The following DPF1 variants were observed in gnomAD, a reference collection of about 807,000 sequenced individuals.
DPF1 encodes zinc finger protein neuro-d4.
A neutral mutation model predicts 58.7 loss-of-function variants in DPF1; 14 were observed. That is an observed-to-expected ratio of 0.24 (90% CI 0.16 to 0.37). The LOEUF (loss-of-function observed/expected upper bound fraction) is 0.37, where lower values mean the gene tolerates loss of function less well. Among genes scored for constraint, DPF1 ranks in the 10% least tolerant of loss-of-function variants. The pLI is 1.00. For missense variants in DPF1, 345 were observed against 529.9 expected (o/e 0.65, Z 3.43); for synonymous variants, 216 against 216.0 (o/e 1.00, Z 0.00).
In DPF1 at chr19:38,211,307, C is replaced by CTTCTCACAGAAAA. The variant is rs1363699404; in HGVS notation, c.*755_*756insTTTTCTGTGAGAA. The CTTCTCACAGAAAA allele has an allele frequency of 6.6e-6, 1 of 152,180 alleles. No individual in the cohort carries two copies. The highest frequency in any genetic ancestry group is 1.5e-5 in the Non-Finnish European group (1 of 68,024). 9.4% of individuals were successfully genotyped at this position (152,180 alleles called of 1,614,324 possible). ...GGAGGGAGAGAAAAGGAGTCCGTGG[C>CTTCTCACAGAAAA]GGAGTCTGTGCTTCTCATTCCAGCA... On this transcript the variant is annotated 3_prime_UTR_variant, in exon 12 of 12. Transcript: ENST00000355526. The surrounding 1 kb of genome is among the most constrained non-coding windows in gnomAD (Gnocchi z 4.0).
chr19:38,216,052 C>T, intron 9 of DPF1, 88 bp downstream of exon 9: 1 of 1,518,452 alleles, frequency 6.6e-7, no homozygotes, highest in Non-Finnish European at 8.8e-7. Flanking sequence ...CCCCTCGGTC[C>T]TCACCGCCTT....
intron 3 of DPF1, 152 bp from the exon 4 acceptor site, chr19:38,219,210 CTG>C: frequency 8.9e-7 from 1 of 1,127,332 alleles, no homozygotes; most frequent in Non-Finnish European, 1.2e-6. Flanking sequence ...GGCCCAGACT[CTG>C]GGGAGACCCA....
In DPF1 at chr19:38,222,931, T is replaced by C; in HGVS notation, c.30-223A>G. 1 of 545,450 alleles carries C rather than the reference T, an allele frequency of 1.8e-6. No homozygotes were observed. 33.8% of individuals were successfully genotyped at this position (545,450 alleles called of 1,614,324 possible). A position where few individuals can be genotyped will look rare whatever the true frequency, so the allele number is the denominator to read the frequency against. ...CTCAAACAGGCCCCCAGCTCATGAG[T>C]AGAAACACGATACAGAAACAAACAA... On this transcript the variant is annotated intron_variant, in intron 1 of 11. Coordinates refer to ENST00000355526, the MANE Select transcript of DPF1 (RefSeq NM_001135155.3). The surrounding 1 kb of genome is among the most constrained non-coding windows in gnomAD (Gnocchi z 4.9).
intron 1 of DPF1, 138 bp downstream of exon 1, chr19:38,223,976 T>C: frequency 1.7e-6 from 2 of 1,190,440 alleles, no homozygotes; most frequent in African/African-American, 1.6e-5. Flanking sequence ...AGTCACACAC[T>C]CTCGCACCCC....
At chr19:38,218,490 G>T in intron 5 of DPF1, 83 bp downstream of exon 5, 1 of 1,427,012 alleles carries the variant, frequency 7.0e-7, no homozygotes, top group Non-Finnish European at 9.9e-7. Flanking sequence ...TCAGACTGTG[G>T]CAGGGGCGGA....
chr19:38,216,328 T>C (rs777290193), intron 8 of DPF1, 25 bp downstream of exon 8: 3 of 1,605,784 alleles, frequency 1.9e-6, no homozygotes, highest in African/African-American at 1.3e-5. Flanking sequence ...CTGCAGACTT[T>C]AGGAGCAGAA....
intron 7 of DPF1, among the ~76,000 whole-genome samples, chr19:38,216,993 A>T (rs533164085): frequency 1.9e-4 from 29 of 152,330 alleles, no homozygotes; most frequent in African/African-American, 7.0e-4. Context: ...GAAGACACTC[A>T]GCCTCTGCCT....
Position 38,211,104 on chromosome 19 carries a change from C to T in DPF1, c.*959G>A, listed in dbSNP as rs1260390963. ...AGACTCGGTGACAAGTGAGGGGGCACTCCTGGATTAGGGGACATCCCCCCA... is the reference window on the plus strand; with the variant it reads ...AGACTCGGTGACAAGTGAGGGGGCATTCCTGGATTAGGGGACATCCCCCCA... On this transcript the variant is annotated 3_prime_UTR_variant, in exon 12 of 12. Transcript: ENST00000355526. The surrounding 1 kb of genome is among the most constrained non-coding windows in gnomAD (Gnocchi z 4.0). The T allele has an allele frequency of 6.5e-6, 1 of 152,724 alleles. No individual in the cohort carries two copies. Among genetic ancestry groups the T allele is most frequent in the Non-Finnish European group, 1.5e-5 (1 of 68,444 alleles). The allele number at this position is 152,724 out of a possible 1,614,324, so 9.5% of individuals were successfully genotyped here. A position where few individuals can be genotyped will look rare whatever the true frequency, so the allele number is the denominator to read the frequency against.
At chr19:38,220,969 G>A (rs1431532827) in intron 3 of DPF1, among the ~76,000 whole-genome samples, 4 of 152,104 alleles carry the variant, frequency 2.6e-5, no homozygotes, top group Admixed American at 6.5e-5. Flanking sequence ...CACCTGATAC[G>A]CCAGACACCA....
upstream of DPF1, among the ~76,000 whole-genome samples, chr19:38,225,319 T>A (rs1314115992): frequency 1.3e-5 from 2 of 151,934 alleles, no homozygotes. Context: ...GCAATCCCAG[T>A]ACTTCGGGAG....
intron 7 of DPF1, 36 bp downstream of exon 7, chr19:38,217,424 G>T: frequency 7.4e-7 from 1 of 1,344,922 alleles, no homozygotes; most frequent in Non-Finnish European, 9.9e-7. Context: ...CCACTCCCAG[G>T]GCCCCTGGCC....
Position 38,229,480 on chromosome 19 carries a change from C to T in DPF1, c.-132+79G>A, listed in dbSNP as rs1459994084. The T allele has an allele frequency of 1.7e-5, 15 of 892,092 alleles. No individual in the cohort carries two copies. Among genetic ancestry groups the T allele is most frequent in the Non-Finnish European group, 2.1e-5 (15 of 704,166 alleles). The allele number at this position is 892,092 out of a possible 1,614,324, so 55.3% of individuals were successfully genotyped here. A position where few individuals can be genotyped will look rare whatever the true frequency, so the allele number is the denominator to read the frequency against. ...TACGGTCCGCGCGCTGCGTCCCCCTCCTCAGCCCCAGGGCGGGCGGGGGAA... is the reference window on the plus strand; with the variant it reads ...TACGGTCCGCGCGCTGCGTCCCCCTTCTCAGCCCCAGGGCGGGCGGGGGAA... On this transcript the variant is annotated intron_variant, in intron 1 of 11. Coordinates refer to the DPF1 transcript ENST00000412732. The surrounding 1 kb of genome is among the most constrained non-coding windows in gnomAD (Gnocchi z 5.3).
intron 10 of DPF1, 54 bp from the exon 11 acceptor site, chr19:38,212,415 G>A (rs890143648): frequency 6.0e-6 from 4 of 667,170 alleles, no homozygotes; most frequent in East Asian, 5.7e-5. Context: ...CACCAGAAAC[G>A]GGGGTGGGGG....
In DPF1 at chr19:38,224,115, TCAGGGGGC is replaced by T; in HGVS notation, c.20_27del (p.Gly7GlufsTer93). The T allele has an allele frequency of 6.7e-7, 1 of 1,496,272 alleles. No homozygotes were observed. Among genetic ancestry groups the T allele is most frequent in the Non-Finnish European group, 8.8e-7 (1 of 1,133,180 alleles). 92.7% of individuals were successfully genotyped at this position (1,496,272 alleles called of 1,614,324 possible). On this transcript the variant is annotated frameshift_variant and splice_region_variant, in exon 1 of 12. Transcript: ENST00000355526. LOFTEE classifies it high-confidence loss of function. This position sits in a 1 kb window ranked among gnomAD's most constrained non-coding sequence, Gnocchi z 4.5. ...CCGCCTCCCGCCGGCCCGCACCACC[TCAGGGGGC>T]CAGGGATGACAGTGGCCATCTTGCT...
chr19:38,212,486 GAGA>G (rs1973524740), intron 10 of DPF1, 125 bp from the exon 11 acceptor site: 3 of 561,640 alleles, frequency 5.3e-6, no homozygotes, highest in South Asian at 5.2e-5. Flanking sequence ...GAAAGGTTCT[GAGA>G]AGGTCTTTGC....
chr19:38,216,051 C>G (rs1966992959), intron 9 of DPF1, 89 bp downstream of exon 9: 12 of 1,518,066 alleles, frequency 7.9e-6, no homozygotes, highest in Admixed American at 2.0e-5. Flanking sequence ...TCCCCTCGGT[C>G]CTCACCGCCT....
rs1967528920 is a variant in DPF1 at position 38,222,134 on chromosome 19, A to AATAG, written c.298+222_298+223insCTAT. On this transcript the variant is annotated intron_variant, in intron 3 of 11. Coordinates refer to ENST00000355526, the MANE Select transcript of DPF1 (RefSeq NM_001135155.3). This position sits in a 1 kb window ranked among gnomAD's most constrained non-coding sequence, Gnocchi z 4.9. The stretch of plus-strand genomic sequence containing the variant: ...AAATAAATAAATAAATAAATAAATA[A>AATAG]CAACAACTGGGCACCTGGGCCCATG... Among the ~76,000 whole-genome samples, 1 of 150,852 alleles carries AATAG rather than the reference A, an allele frequency of 6.6e-6. No homozygotes were observed. Among genetic ancestry groups the AATAG allele is most frequent in the African/African-American group, 2.4e-5 (1 of 40,988 alleles).
chr19:38,220,018 TAAAAA>T (rs199924530), intron 3 of DPF1: 1 of 142,826 alleles, frequency 7.0e-6, no homozygotes, highest in South Asian at 2.2e-4. Context: ...CATCTCTACT[TAAAAA>T]AAAAAAAATA....
Position 38,222,813 on chromosome 19 carries a change from G to T in DPF1, c.30-105C>A, listed in dbSNP as rs1259693480. 3 of 1,376,506 alleles carry T rather than the reference G, an allele frequency of 2.2e-6. No homozygotes were observed. Among genetic ancestry groups the T allele is most frequent in the Admixed American group, 3.0e-5 (1 of 33,284 alleles). The allele number at this position is 1,376,506 out of a possible 1,614,324, so 85.3% of individuals were successfully genotyped here. A position where few individuals can be genotyped will look rare whatever the true frequency, so the allele number is the denominator to read the frequency against. ...CGGGCCGCCCAGGCTCGGGAGGGGT[G>T]GGCCGACCCCTCCAGCCTCACCTCT... On this transcript the variant is annotated intron_variant, in intron 1 of 11. Coordinates refer to ENST00000355526, the MANE Select transcript of DPF1 (RefSeq NM_001135155.3). This position sits in a 1 kb window ranked among gnomAD's most constrained non-coding sequence, Gnocchi z 4.9.
Sources: gnomAD v4.1 joint callset for allele counts (sites outside exome capture counted in the v4.1 genomes callset) on GRCh38, gnomAD v4.1.1 for gene constraint, Gnocchi (gnomAD v3.1) non-coding constraint, MANE v1.5 for transcripts, NCBI Gene and HGNC (gene_info 2026-07-23, HGNC 2026-07-21) for gene names.